GRSF1: variants seen among roughly 807,000 people sequenced by gnomAD.
GRSF1 encodes the protein G-rich RNA sequence binding factor 1.
In GRSF1, 50 loss-of-function variants were observed where a neutral mutation model predicts 51.1. The observed-to-expected ratio is 0.98, with a 90% CI of 0.78 to 1.24. GRSF1 has a LOEUF of 1.24. Ranked by LOEUF, GRSF1 falls within the 50% of genes most tolerant of loss-of-function variation. The pLI, the probability that GRSF1 is intolerant of heterozygous loss-of-function variation, is 0.00. For missense variants in GRSF1, 700 were observed against 639.7 expected (o/e 1.09, Z -1.02); for synonymous variants, 293 against 253.3 (o/e 1.16, Z -1.49).
chr4:70,828,382 C>T (rs1281648860), intron 5 of GRSF1, among the ~76,000 whole-genome samples: 5 of 152,286 alleles, frequency 3.3e-5, no homozygotes, highest in East Asian at 1.9e-4. Context: ...TGCTGGTTAA[C>T]AATCTCTTGA....
rs1229541288 is a variant in GRSF1, at chr4:70,819,838, T to C, written c.*1049A>G. 6.6e-6 allele frequency: 1 copy of C among 152,546 alleles called. No homozygotes were observed. Among genetic ancestry groups the C allele is most frequent in the Non-Finnish European group, 1.5e-5 (1 of 68,024 alleles). 9.4% of individuals were successfully genotyped at this position (152,546 alleles called of 1,614,324 possible). A position where few individuals can be genotyped will look rare whatever the true frequency, so the allele number is the denominator to read the frequency against. On this transcript the variant is annotated 3_prime_UTR_variant, in exon 10 of 10. Coordinates refer to ENST00000254799, the MANE Select transcript of GRSF1 (RefSeq NM_002092.4). Reference sequence around the variant, plus strand: ...CCAGCCATTTTGTCCAATATTTAAATAACAAGCTGTTTAATATTAAAGCAG... The same window carrying C: ...CCAGCCATTTTGTCCAATATTTAAACAACAAGCTGTTTAATATTAAAGCAG...
In GRSF1 at chr4:70,818,601, G is replaced by A. The variant is rs1308226324; in HGVS notation, c.*2286C>T. On this transcript the variant is annotated 3_prime_UTR_variant, in exon 10 of 10. Transcript: ENST00000254799. ...CTTCATTGCCTGGTGTCAATATTTA[G>A]ATGAGACCACAATATTCAGATGAGA... 1 of 152,092 alleles carries A rather than the reference G, an allele frequency of 6.6e-6. No homozygotes were observed. Among genetic ancestry groups the A allele is most frequent in the African/African-American group, 2.4e-5 (1 of 41,390 alleles). The allele number at this position is 152,092 out of a possible 1,614,324, so 9.4% of individuals were successfully genotyped here. A position where few individuals can be genotyped will look rare whatever the true frequency, so the allele number is the denominator to read the frequency against.
chr4:70,837,553 G>T (rs552446117), intron 1 of GRSF1, among the ~76,000 whole-genome samples: 53 of 74,896 alleles, frequency 7.1e-4, no homozygotes, highest in Non-Finnish European at 9.9e-4. Context: ...AACAGAGCAA[G>T]ACTCCGTCTC....
chr4:70,817,908 T>C lies in GRSF1; in HGVS notation c.*2979A>G, dbSNP rs949558434. The C allele has an allele frequency of 5.3e-5, 8 of 152,274 alleles. No individual in the cohort carries two copies. Among genetic ancestry groups the C allele is most frequent in the Admixed American group, 2.6e-4 (4 of 15,286 alleles). The allele number at this position is 152,274 out of a possible 1,614,324, so 9.4% of individuals were successfully genotyped here. ...GGAGGGTAATGTATTTCTAATGCGATAGCGCAATTTGGATTGGAACTCTAC... is the reference window on the plus strand; with the variant it reads ...GGAGGGTAATGTATTTCTAATGCGACAGCGCAATTTGGATTGGAACTCTAC... On this transcript the variant is annotated 3_prime_UTR_variant, in exon 10 of 10. Transcript: ENST00000254799.
chr4:70,828,736 A>T (rs981995243), intron 5 of GRSF1, among the ~76,000 whole-genome samples: 1 of 133,294 alleles, frequency 7.5e-6, no homozygotes, highest in East Asian at 2.2e-4. Flanking sequence ...CACACTGCTA[A>T]TTTTTTTTTT....
chr4:70,831,018 T>G (rs921525607), intron 5 of GRSF1, among the ~76,000 whole-genome samples: 1 of 152,178 alleles, frequency 6.6e-6, no homozygotes, highest in Non-Finnish European at 1.5e-5. Context: ...AATGTGTTAA[T>G]CTAGCTGCTC....
intron 2 of GRSF1, among the ~76,000 whole-genome samples, 163 bp downstream of exon 2, chr4:70,835,995 A>G (rs1734191454): frequency 6.6e-6 from 1 of 152,214 alleles, no homozygotes; most frequent in Non-Finnish European, 1.5e-5. Context: ...CCAGAATGAG[A>G]CAGTTCCCAA....
At position 70,839,790 on chromosome 4, in the gene GRSF1, CG is replaced by C; in HGVS notation, c.37del (p.Arg13GlyfsTer130). On this transcript the variant is annotated frameshift_variant, in exon 1 of 10. Coordinates refer to ENST00000254799, the MANE Select transcript of GRSF1 (RefSeq NM_002092.4). LOFTEE classifies it high-confidence loss of function. ...GTRWVLGALL[R>X]GCGCNCSSCR... Reference sequence around the variant, plus strand: ...GCTGCTGCAGTTACAGCCGCAGCCCCGGAGCAGCGCCCCGAGTACCCAGCGC... The same window carrying C: ...GCTGCTGCAGTTACAGCCGCAGCCCCGAGCAGCGCCCCGAGTACCCAGCGC... 1 of 1,505,324 alleles carries C rather than the reference CG, an allele frequency of 6.6e-7. No homozygotes were observed. The highest frequency in any genetic ancestry group is 8.8e-7 in the Non-Finnish European group (1 of 1,134,050). 93.2% of individuals were successfully genotyped at this position (1,505,324 alleles called of 1,614,324 possible). A position where few individuals can be genotyped will look rare whatever the true frequency, so the allele number is the denominator to read the frequency against.
At chr4:70,827,759 C>A (rs943651055) in intron 6 of GRSF1, 93 bp downstream of exon 6, 1 of 861,738 alleles carries the variant, frequency 1.2e-6, no homozygotes, top group African/African-American at 1.7e-5. Flanking sequence ...AGCCTGGCAA[C>A]AGAGCGAGAC....
chr4:70,819,642 A>G lies in GRSF1; in HGVS notation c.*1245T>C, dbSNP rs1733431290. Reference sequence around the variant, plus strand: ...TAAGAGAAGACATAGTCTCTCTTCCAGGTATCACCTGTCAGAAACCTGGGC... The same window carrying G: ...TAAGAGAAGACATAGTCTCTCTTCCGGGTATCACCTGTCAGAAACCTGGGC... On this transcript the variant is annotated 3_prime_UTR_variant, in exon 10 of 10. Coordinates refer to ENST00000254799, the MANE Select transcript of GRSF1 (RefSeq NM_002092.4). 1 of 152,768 alleles carries G rather than the reference A, an allele frequency of 6.5e-6. No individual in the cohort carries two copies. The highest frequency in any genetic ancestry group is 6.5e-5 in the Admixed American group (1 of 15,298). 9.5% of individuals were successfully genotyped at this position (152,768 alleles called of 1,614,324 possible).
At chr4:70,830,445 T>TAAA (rs1733914329) in intron 5 of GRSF1, among the ~76,000 whole-genome samples, 1 of 142,246 alleles carries the variant, frequency 7.0e-6, no homozygotes, top group Admixed American at 6.9e-5. Context: ...ACCCTGTGTC[T>TAAA]TAAAAAAAAA....
rs1734393108 is a variant in GRSF1, at chr4:70,839,828, GGACTCCGGAGGCGGCGCAGGGC to G, written c.-23_-2del. ...CGAGTACCCAGCGCGTGCCGGCCAT[GGACTCCGGAGGCGGCGCAGGGC>G]CTGAAGGCAGCTGCTCCAGCAGCGA... is the stretch of plus-strand genomic sequence containing the variant. On this transcript the variant is annotated 5_prime_UTR_variant, in exon 1 of 10. Coordinates refer to ENST00000254799, the MANE Select transcript of GRSF1 (RefSeq NM_002092.4). 1 of 1,492,708 alleles carries G rather than the reference GGACTCCGGAGGCGGCGCAGGGC, an allele frequency of 6.7e-7. No individual in the cohort carries two copies. Among genetic ancestry groups the G allele is most frequent in the East Asian group, 2.8e-5 (1 of 35,422 alleles). 92.5% of individuals were successfully genotyped at this position (1,492,708 alleles called of 1,614,324 possible). A position where few individuals can be genotyped will look rare whatever the true frequency, so the allele number is the denominator to read the frequency against.
Position 70,825,317 on chromosome 4 carries a change from G to A in GRSF1, c.1372C>T (p.Leu458Phe). ...TTACGAACGTGGGACCGATCCTTGA[G>A]CATCGCTGCAACAGCATCCTCATGG... ...ETHEDAVAAM[L>F]KDRSHVHHRY... Residue 458 changes from leucine (L) to phenylalanine (F), a missense_variant, in exon 8 of 10, where the codon CTC becomes TTC. Transcript: ENST00000254799. The A allele has an allele frequency of 6.2e-7, 1 of 1,608,434 alleles. No individual in the cohort carries two copies. The highest frequency in any genetic ancestry group is 8.5e-7 in the Non-Finnish European group (1 of 1,175,950).
At chr4:70,840,294 C>A (rs1484366150), upstream of GRSF1, among the ~76,000 whole-genome samples, 2 of 152,078 alleles carry the variant, frequency 1.3e-5, no homozygotes, top group Admixed American at 1.3e-4. Flanking sequence ...TTTTTTCAGG[C>A]GGTGGAAACT....
upstream of GRSF1, among the ~76,000 whole-genome samples, chr4:70,840,282 T>C (rs551400205): frequency 2.8e-3 from 432 of 152,264 alleles, 1 homozygote; most frequent in African/African-American, 8.7e-3. Flanking sequence ...ATCGAACTGC[T>C]CTTTTTTCAG....
upstream of GRSF1, among the ~76,000 whole-genome samples, chr4:70,840,940 TATC>T (rs1734441178): frequency 6.6e-6 from 1 of 152,134 alleles, no homozygotes; most frequent in Admixed American, 6.6e-5. Flanking sequence ...GTTGGGATAA[TATC>T]AGAGATTTGG....
At chr4:70,839,891 G>A (rs1036568549), upstream of GRSF1, 8 of 1,402,804 alleles carry the variant, frequency 5.7e-6, no homozygotes, top group African/African-American at 3.0e-5. Context: ...GAACGGAAGT[G>A]GAATCCAGGG....
Position 70,839,865 on chromosome 4 carries a change from T to C in GRSF1, c.-38A>G, listed in dbSNP as rs1310159670. The C allele has an allele frequency of 5.6e-6, 8 of 1,439,668 alleles. No individual in the cohort carries two copies. Among genetic ancestry groups the C allele is most frequent in the South Asian group, 1.4e-5 (1 of 72,392 alleles). The allele number at this position is 1,439,668 out of a possible 1,614,324, so 89.2% of individuals were successfully genotyped here. A position where few individuals can be genotyped will look rare whatever the true frequency, so the allele number is the denominator to read the frequency against. On this transcript the variant is annotated 5_prime_UTR_variant, in exon 1 of 10. Coordinates refer to ENST00000254799, the MANE Select transcript of GRSF1 (RefSeq NM_002092.4). ...CGGCGCAGGGCCTGAAGGCAGCTGCTCCAGCAGCGATGGTGGAACGGAAGT... is the reference window on the plus strand; with the variant it reads ...CGGCGCAGGGCCTGAAGGCAGCTGCCCCAGCAGCGATGGTGGAACGGAAGT...
rs1394367609 is a variant in GRSF1 at position 70,839,885 on chromosome 4, G to A, written c.-58C>T. ...GCTGCTCCAGCAGCGATGGTGGAAC[G>A]GAAGTGGAATCCAGGGCCGGTTGGG... On this transcript the variant is annotated 5_prime_UTR_variant, in exon 1 of 10. Coordinates refer to ENST00000254799, the MANE Select transcript of GRSF1 (RefSeq NM_002092.4). The A allele has an allele frequency of 2.8e-6, 4 of 1,414,524 alleles. No homozygotes were observed. The highest frequency in any genetic ancestry group is 6.1e-5 in the East Asian group (2 of 32,858). The allele number at this position is 1,414,524 out of a possible 1,614,324, so 87.6% of individuals were successfully genotyped here.
Sources: gnomAD v4.1 joint callset for allele counts (sites outside exome capture counted in the v4.1 genomes callset) on GRCh38, gnomAD v4.1.1 for gene constraint, MANE v1.5 for transcripts, NCBI Gene and HGNC (gene_info 2026-07-23, HGNC 2026-07-21) for gene names.